OSBPL9: variants seen among roughly 807,000 people sequenced by gnomAD.
OSBPL9 encodes oxysterol-binding protein-related protein 9.
Under a neutral mutation model 106.6 loss-of-function variants are expected in OSBPL9, and 40 were observed. The observed-to-expected ratio is 0.38, with a 90% confidence interval of 0.29 to 0.49. The LOEUF (loss-of-function observed/expected upper bound fraction) is 0.49, where lower values mean the gene tolerates loss of function less well. Among genes scored for constraint, OSBPL9 ranks in the 20% least tolerant of loss-of-function variants. The probability of loss-of-function intolerance (pLI) is 0.97; values close to 1 mark genes in which losing one functional copy is unlikely to be tolerated. For synonymous variants in OSBPL9, 269 were observed against 295.4 expected, an observed-to-expected ratio of 0.91 and a Z score of 0.92; for missense variants, 609 against 887.2, an observed-to-expected ratio of 0.69 and a Z score of 3.98.
At chr1:51,574,669 G>A (rs558874724), upstream of OSBPL9, among the ~76,000 whole-genome samples, 2 of 151,852 alleles carry the variant, frequency 1.3e-5, no homozygotes, top group East Asian at 3.9e-4. Flanking sequence ...GGTGATCATA[G>A]ACAAAAACAA....
At chr1:51,747,553 C>CTTTTTTTTTTTTTTTTTTTTTTTTTTTTT (rs746109312) in intron 6 of OSBPL9, among the ~76,000 whole-genome samples, 3 of 42,370 alleles carry the variant, frequency 7.1e-5, no homozygotes, top group Non-Finnish European at 1.5e-4. Flanking sequence ...CTCTCCTTGG[C>CTTTTTTTTTTTTTTTTTTTTTTTTTTTTT]TTTTTTTTTT....
rs933756177 is a variant in OSBPL9 at position 51,729,569 on chromosome 1, G to A, written c.318+15490G>A. ...GTGAACCCCCGCCCCCCACGGAGGCGGCTGGGTCGCGGGTCTGGGCGGGGC... is the reference window on the plus strand; with the variant it reads ...GTGAACCCCCGCCCCCCACGGAGGCAGCTGGGTCGCGGGTCTGGGCGGGGC... On this transcript the variant is annotated intron_variant, in intron 4 of 23. Transcript: ENST00000428468. The surrounding 1 kb of genome is among the most constrained non-coding windows in gnomAD (Gnocchi z 5.1). 9 of 166,934 alleles carry A rather than the reference G, an allele frequency of 5.4e-5. No individual in the cohort carries two copies. In the East Asian group the frequency reaches 1.3e-3, roughly 24 times the overall value. 10.3% of individuals were successfully genotyped at this position (166,934 alleles called of 1,614,324 possible).
intron 12 of OSBPL9, among the ~76,000 whole-genome samples, chr1:51,767,225 C>T (rs908470835): frequency 2.0e-5 from 3 of 151,648 alleles, no homozygotes; most frequent in Non-Finnish European, 2.9e-5. Flanking sequence ...AAAACCCTGT[C>T]TCTAAAAAAA....
chr1:51,657,369 A>G (rs1480564717), intron 2 of OSBPL9, among the ~76,000 whole-genome samples: 1 of 152,214 alleles, frequency 6.6e-6, no homozygotes, highest in African/African-American at 2.4e-5. Flanking sequence ...TGATTTTCAT[A>G]CACATTCCTA....
intron 1 of OSBPL9, among the ~76,000 whole-genome samples, chr1:51,637,411 T>G (rs186994665): frequency 2.6e-5 from 4 of 151,224 alleles, no homozygotes; most frequent in African/African-American, 9.7e-5. Context: ...AATCAGAGGC[T>G]ACAGTGAGCC....
Position 51,752,504 on chromosome 1 carries a change from G to A in OSBPL9, c.543+2309G>A, listed in dbSNP as rs543472053. 3.3e-5 allele frequency: 15 copies of A among 456,072 alleles called. No individual in the cohort carries two copies. The East Asian group carries it at 1.0e-3, about 32-fold the overall frequency. 28.3% of individuals were successfully genotyped at this position (456,072 alleles called of 1,614,324 possible). On this transcript the variant is annotated intron_variant, in intron 8 of 23. Transcript: ENST00000428468. ...CTCTTTATTGACTGTCTACCCTAGA[G>A]TACAATCTTGGTGAGGAATTTGCTC... is the stretch of plus-strand genomic sequence containing the variant.
At chr1:51,656,280 T>C (rs1646809071) in intron 2 of OSBPL9, among the ~76,000 whole-genome samples, 1 of 152,186 alleles carries the variant, frequency 6.6e-6, no homozygotes, top group East Asian at 1.9e-4. Context: ...GTAACTGCTA[T>C]GGATGACAAC....
intron 11 of OSBPL9, among the ~76,000 whole-genome samples, chr1:51,763,158 A>G (rs750529460): frequency 1.3e-5 from 2 of 151,966 alleles, no homozygotes; most frequent in Non-Finnish European, 2.9e-5. Flanking sequence ...GATGTGCGCC[A>G]CCACGCCCCA....
rs144552520 is a variant in OSBPL9, at chr1:51,777,791, T to TC, written c.1256+874dup. 7.3e-4 allele frequency among the ~76,000 whole-genome samples: 111 copies of TC among 152,280 alleles called. 1 individual carries two copies. In the East Asian group the frequency reaches 0.02, roughly 28 times the overall value. ...AGCAAAAATGGAACGTACCAGTTGT[T>TC]CATTGGGTATAGATTTGAGATTTAA... On this transcript the variant is annotated intron_variant, in intron 15 of 23. Transcript: ENST00000428468.
In OSBPL9 at chr1:51,630,360, A is replaced by G. The variant is rs1432838281; in HGVS notation, c.111+13139A>G. Among the ~76,000 whole-genome samples the G allele has an allele frequency of 2.0e-5, 3 of 152,144 alleles. No homozygotes were observed. In the East Asian group the frequency reaches 5.8e-4, roughly 29 times the overall value. On this transcript the variant is annotated intron_variant, in intron 1 of 23. Transcript: ENST00000428468. ...TTATTTCTAAGGCCTTTCAATTTTCAAAAGCACCATGCCCAAGTGCCATAT... is the reference window on the plus strand; with the variant it reads ...TTATTTCTAAGGCCTTTCAATTTTCGAAAGCACCATGCCCAAGTGCCATAT...
rs139713293 is a variant in OSBPL9 at position 51,618,470 on chromosome 1, G to A, written c.111+1249G>A. On this transcript the variant is annotated intron_variant, in intron 1 of 23. Transcript: ENST00000428468. Reference sequence around the variant, plus strand: ...ATATGAGGGAAGAAAATACATAAGAGGACAAAATAGAATGCCCAGAAAGCT... The same window carrying A: ...ATATGAGGGAAGAAAATACATAAGAAGACAAAATAGAATGCCCAGAAAGCT... 5.2e-3 allele frequency among the ~76,000 whole-genome samples: 790 copies of A among 152,146 alleles called. 3 individuals are homozygous for A. The highest frequency in any genetic ancestry group is 0.018 in the African/African-American group (754 of 41,508).
chr1:51,671,435 G>A (rs1483315262), intron 3 of OSBPL9, among the ~76,000 whole-genome samples: 1 of 152,052 alleles, frequency 6.6e-6, no homozygotes, highest in South Asian at 2.1e-4. Flanking sequence ...AATATCAGTT[G>A]ATGCATTATA....
intron 11 of OSBPL9, among the ~76,000 whole-genome samples, chr1:51,763,566 T>G (rs1671971231): frequency 6.6e-6 from 1 of 152,210 alleles, no homozygotes; most frequent in African/African-American, 2.4e-5. Flanking sequence ...GTAGGATTTT[T>G]CCTGTGTAAT....
intron 2 of OSBPL9, among the ~76,000 whole-genome samples, chr1:51,608,362 A>C (rs1047495628): frequency 3.3e-5 from 5 of 152,056 alleles, no homozygotes; most frequent in African/African-American, 7.2e-5. Flanking sequence ...GTGCAATCTC[A>C]GCTCACTGCA....
At chr1:51,603,844 A>G (rs1643912437) in intron 2 of OSBPL9, among the ~76,000 whole-genome samples, 1 of 152,178 alleles carries the variant, frequency 6.6e-6, no homozygotes, top group Admixed American at 6.5e-5. Flanking sequence ...GTTGGGTAGT[A>G]AGACAGAAGT....
the OSBPL9 span, among the ~76,000 whole-genome samples, chr1:51,563,469 C>G: frequency 1.3e-5 from 2 of 152,188 alleles, no homozygotes; most frequent in Non-Finnish European, 2.9e-5. Flanking sequence ...AGGCATAGCC[C>G]TGTGAGCAGG....
chr1:51,585,827 A>G (rs1333803910), intron 1 of OSBPL9, among the ~76,000 whole-genome samples: 3 of 151,626 alleles, frequency 2.0e-5, no homozygotes, highest in Non-Finnish European at 4.4e-5. Context: ...AACTCCAAGA[A>G]CTGGAAAGAG....
chr1:51,679,192 T>G (rs1236405491), intron 3 of OSBPL9, among the ~76,000 whole-genome samples: 1 of 152,208 alleles, frequency 6.6e-6, no homozygotes, highest in Non-Finnish European at 1.5e-5. Flanking sequence ...TCTTCTTTAT[T>G]TGCTTTCTGT....
Position 51,728,014 on chromosome 1 carries a change from C to T in OSBPL9, c.318+13935C>T, listed in dbSNP as rs542843929. ...AGTGTGGGGATTGATGTCAAGGGGA[C>T]AGTATAAAAGAAATAACAGCATGCG... On this transcript the variant is annotated intron_variant, in intron 4 of 23. Coordinates refer to ENST00000428468, the MANE Select transcript of OSBPL9 (RefSeq NM_024586.6). Among the ~76,000 whole-genome samples the T allele has an allele frequency of 2.0e-4, 30 of 151,952 alleles. No individual in the cohort carries two copies. In the South Asian group the frequency reaches 2.9e-3, roughly 15 times the overall value.
Sources: gnomAD v4.1 joint callset for allele counts (sites outside exome capture counted in the v4.1 genomes callset) on GRCh38, gnomAD v4.1.1 for gene constraint, Gnocchi (gnomAD v3.1) non-coding constraint, MANE v1.5 for transcripts, NCBI Gene and HGNC (gene_info 2026-07-23, HGNC 2026-07-21) for gene names.